LRRC3B: variants seen among roughly 807,000 people sequenced by gnomAD.
LRRC3B encodes the protein leucine rich repeat containing 3B.
Under a neutral mutation model 12.8 loss-of-function variants are expected in LRRC3B, and 2 were observed. The observed-to-expected ratio is 0.16, with a 90% CI of 0.06 to 0.49. The LOEUF (loss-of-function observed/expected upper bound fraction) is 0.49, where lower values mean the gene tolerates loss of function less well. Ranked by LOEUF, LRRC3B falls within the 20% of genes least tolerant of loss-of-function variation. LRRC3B has a pLI of 0.96. For missense variants in LRRC3B, 189 were observed against 319.4 expected (o/e 0.59, Z 3.11); for synonymous variants, 132 against 122.0 (o/e 1.08, Z -0.54).
At chr3:26,631,124 A>G (rs1698748519) in intron 1 of LRRC3B, among the ~76,000 whole-genome samples, 1 of 152,184 alleles carries the variant, frequency 6.6e-6, no homozygotes, top group African/African-American at 2.4e-5. Flanking sequence ...TCAGGGCCAC[A>G]ACCAAGATAT....
Position 26,707,023 on chromosome 3 carries a change from A to G in LRRC3B, c.-160-2490A>G, listed in dbSNP as rs542121092. ...GTATCCGAGAATAATAATAGTAACTAAAACTATGGCTAAAAAGCATCGAAC... is the reference window on the plus strand; with the variant it reads ...GTATCCGAGAATAATAATAGTAACTGAAACTATGGCTAAAAAGCATCGAAC... On this transcript the variant is annotated intron_variant, in intron 1 of 1. Coordinates refer to ENST00000396641, the Ensembl canonical transcript of LRRC3B. Among the ~76,000 whole-genome samples the G allele has an allele frequency of 4.6e-5, 7 of 152,234 alleles. No individual in the cohort carries two copies. In the South Asian group the frequency reaches 1.5e-3, roughly 32 times the overall value.
At chr3:26,647,786 G>A (rs1001535003) in intron 1 of LRRC3B, among the ~76,000 whole-genome samples, 4 of 152,160 alleles carry the variant, frequency 2.6e-5, no homozygotes, top group Non-Finnish European at 5.9e-5. Flanking sequence ...AGAATTTGCA[G>A]GTGTAAACTT....
chr3:26,680,253 G>C (rs1460248446), intron 1 of LRRC3B, among the ~76,000 whole-genome samples: 4 of 152,066 alleles, frequency 2.6e-5, no homozygotes, highest in African/African-American at 9.7e-5. Flanking sequence ...CCACTTCCCA[G>C]TAAAAACACC....
At chr3:26,709,120 G>A (rs1013648367) in intron 1 of LRRC3B, among the ~76,000 whole-genome samples, 3 of 152,136 alleles carry the variant, frequency 2.0e-5, no homozygotes, top group African/African-American at 7.2e-5. Context: ...ATTTCTCATT[G>A]CTGCCCAAGT....
At chr3:26,685,172 C>T (rs575471902) in intron 1 of LRRC3B, among the ~76,000 whole-genome samples, 174 of 152,080 alleles carry the variant, frequency 1.1e-3, no homozygotes, top group Middle Eastern at 0.01. Flanking sequence ...AGGCTGGTCT[C>T]GAACTCCCGA....
intron 1 of LRRC3B, among the ~76,000 whole-genome samples, chr3:26,634,264 T>C (rs1399646822): frequency 6.6e-6 from 1 of 152,196 alleles, no homozygotes; most frequent in East Asian, 1.9e-4. Flanking sequence ...ATGAAAACCC[T>C]TGCAAAGAAT....
intron 1 of LRRC3B, among the ~76,000 whole-genome samples, chr3:26,671,592 G>A (rs149835646): frequency 7.1e-4 from 107 of 149,654 alleles, no homozygotes; most frequent in African/African-American, 2.1e-3. Context: ...ACGGGGTTTC[G>A]TCATGTTGGC....
At chr3:26,672,530 C>T (rs552766893) in intron 1 of LRRC3B, among the ~76,000 whole-genome samples, 148 of 152,340 alleles carry the variant, frequency 9.7e-4, no homozygotes, top group Non-Finnish European at 1.7e-3. Context: ...ATTCTATCAT[C>T]CTGTTCCTGA....
chr3:26,688,127 C>G (rs1189494986), intron 1 of LRRC3B, among the ~76,000 whole-genome samples: 1 of 152,122 alleles, frequency 6.6e-6, no homozygotes, highest in Non-Finnish European at 1.5e-5. Context: ...AGGGACGAAC[C>G]TATAAAGATA....
chr3:26,625,044 T>A (rs1462017885), intron 1 of LRRC3B: 1 of 152,364 alleles, frequency 6.6e-6, no homozygotes, highest in East Asian at 1.9e-4. Context: ...TGGCTGAGAG[T>A]GGATCCCTGG....
chr3:26,684,009 G>T (rs939680984), intron 1 of LRRC3B, among the ~76,000 whole-genome samples: 2 of 152,144 alleles, frequency 1.3e-5, no homozygotes, highest in Non-Finnish European at 2.9e-5. Context: ...GGGTCCTTCT[G>T]GCTGAATTGT....
At chr3:26,697,226 A>C (rs568151032) in intron 1 of LRRC3B, among the ~76,000 whole-genome samples, 143 of 152,318 alleles carry the variant, frequency 9.4e-4, no homozygotes, top group Non-Finnish European at 1.5e-3. Context: ...GTCTGAAATC[A>C]GTTTCAATGG....
chr3:26,710,175 A>G, exon 2 of LRRC3B: 1 of 1,613,982 alleles, frequency 6.2e-7, no homozygotes. Flanking sequence ...GAGACAGCCC[A>G]CAACGTGATC....
At chr3:26,667,949 T>A (rs1699642950) in intron 1 of LRRC3B, among the ~76,000 whole-genome samples, 1 of 151,950 alleles carries the variant, frequency 6.6e-6, no homozygotes, top group Non-Finnish European at 1.5e-5. Flanking sequence ...ATTATTATAC[T>A]TTAAGTTTTT....
rs1559350234 is a variant in LRRC3B, at chr3:26,636,908, CTCTTTCTCTCTTTCTTTCTT to C, written c.-161+13679_-161+13698del. ...TTCCTTTCTCTCTCTCTCTCTTTCTCTCTTTCTCTCTTTCTTTCTTTCTTTCTTTCTTTCTTTCTTTCTTT... is the reference window on the plus strand; with the variant it reads ...TTCCTTTCTCTCTCTCTCTCTTTCTCTCTTTCTTTCTTTCTTTCTTTCTTT... On this transcript the variant is annotated intron_variant, in intron 1 of 1. Transcript: ENST00000396641. Among the ~76,000 whole-genome samples, 19 of 105,390 alleles carry C rather than the reference CTCTTTCTCTCTTTCTTTCTT, an allele frequency of 1.8e-4. 1 individual carries two copies. The highest frequency in any genetic ancestry group is 8.3e-4 in the African/African-American group (18 of 21,730). 69.1% of individuals were successfully genotyped at this position (105,390 alleles called of 152,430 possible).
intron 1 of LRRC3B, among the ~76,000 whole-genome samples, chr3:26,685,521 C>CTATA (rs1297622788): frequency 3.6e-4 from 15 of 41,510 alleles, no homozygotes; most frequent in South Asian, 1.1e-3. Context: ...CTCTCTCTCT[C>CTATA]TCTATATATA....
chr3:26,660,176 T>C (rs975797784), intron 1 of LRRC3B, among the ~76,000 whole-genome samples: 2 of 152,170 alleles, frequency 1.3e-5, no homozygotes, highest in Admixed American at 6.5e-5. Context: ...TTAGGAAGGA[T>C]TGTAGGGGGT....
At chr3:26,687,331 CTCTT>C (rs1199544392) in intron 1 of LRRC3B, among the ~76,000 whole-genome samples, 7 of 152,046 alleles carry the variant, frequency 4.6e-5, no homozygotes, top group African/African-American at 1.5e-4. Flanking sequence ...AGGAAATGTC[CTCTT>C]TATTTAAAAT....
intron 1 of LRRC3B, among the ~76,000 whole-genome samples, chr3:26,645,836 C>T (rs1408326355): frequency 6.6e-6 from 1 of 152,138 alleles, no homozygotes; most frequent in Non-Finnish European, 1.5e-5. Context: ...GATGGCCAAC[C>T]ATTAAGATTA....
Sources: allele counts gnomAD v4.1 joint callset (sites outside exome capture counted in the v4.1 genomes callset), GRCh38; gene constraint gnomAD v4.1.1; transcripts MANE v1.5; gene names NCBI Gene and HGNC (gene_info 2026-07-23, HGNC 2026-07-21).